The following FHIP1A variants were observed in gnomAD, a reference collection of about 807,000 sequenced individuals.
The protein encoded by FHIP1A is FHF complex subunit HOOK interacting protein 1A.
FHIP1A carries 61 observed loss-of-function variants against 88.6 expected under a neutral mutation model. The observed-to-expected ratio is 0.69, with a 90% confidence interval of 0.56 to 0.85. FHIP1A has a LOEUF of 0.85. Ranked by LOEUF, FHIP1A falls within the 40% of genes least tolerant of loss-of-function variation. FHIP1A has a pLI of 0.00. For synonymous variants in FHIP1A, 478 were observed against 496.0 expected (o/e 0.96, Z 0.48); for missense variants, 1,154 against 1,273.5 (o/e 0.91, Z 1.43).
intron 3 of FHIP1A, among the ~76,000 whole-genome samples, chr4:151,541,933 C>G (rs1211572099): frequency 6.6e-6 from 1 of 152,136 alleles, no homozygotes; most frequent in Non-Finnish European, 1.5e-5. Context: ...TTGAGACAGC[C>G]AAGTAAAAAG....
At chr4:151,594,791 T>C (rs1184680828) in intron 7 of FHIP1A, among the ~76,000 whole-genome samples, 3 of 152,124 alleles carry the variant, frequency 2.0e-5, no homozygotes, top group Non-Finnish European at 4.4e-5. Flanking sequence ...GCCAGTGTGG[T>C]CTCGATCTCC....
chr4:151,655,659 G>A (rs994134805), intron 11 of FHIP1A, among the ~76,000 whole-genome samples: 2 of 151,968 alleles, frequency 1.3e-5, no homozygotes, highest in African/African-American at 4.8e-5. Context: ...TCCACATTAC[G>A]ACACTTGACA....
At chr4:151,516,212 A>G (rs375641886) in intron 3 of FHIP1A, among the ~76,000 whole-genome samples, 7 of 152,330 alleles carry the variant, frequency 4.6e-5, no homozygotes, top group Admixed American at 3.9e-4. Flanking sequence ...AGGATTCCCT[A>G]TTTAATAAAT....
chr4:151,564,745 G>A (rs1424029778), intron 3 of FHIP1A, among the ~76,000 whole-genome samples: 2 of 152,152 alleles, frequency 1.3e-5, no homozygotes, highest in Non-Finnish European at 2.9e-5. Flanking sequence ...CTAACAGGTC[G>A]TCCTTTCTAT....
intron 1 of FHIP1A, among the ~76,000 whole-genome samples, chr4:151,422,334 A>C (rs1236650712): frequency 6.6e-6 from 1 of 151,982 alleles, no homozygotes; most frequent in Admixed American, 6.6e-5. Flanking sequence ...CATTCAATAA[A>C]TATTTGTTGA....
intron 1 of FHIP1A, among the ~76,000 whole-genome samples, chr4:151,431,011 A>G (rs1487204699): frequency 1.3e-5 from 2 of 151,808 alleles, no homozygotes; most frequent in Non-Finnish European, 2.9e-5. Context: ...AGTGCTGACT[A>G]TATTTACTTA....
At chr4:151,583,506 ATG>A (rs1324831416) in intron 5 of FHIP1A, among the ~76,000 whole-genome samples, 1 of 152,316 alleles carries the variant, frequency 6.6e-6, no homozygotes. Context: ...AATATTACAT[ATG>A]TGTTATTTTT....
chr4:151,624,838 AATC>A (rs749800377), intron 7 of FHIP1A, among the ~76,000 whole-genome samples: 59 of 152,302 alleles, frequency 3.9e-4, no homozygotes, highest in Admixed American at 1.2e-3. Flanking sequence ...AGGGAGCCGG[AATC>A]ATCAACTGCA....
At chr4:151,620,154 G>T (rs1735683301) in intron 7 of FHIP1A, among the ~76,000 whole-genome samples, 2 of 152,208 alleles carry the variant, frequency 1.3e-5, no homozygotes, top group South Asian at 4.1e-4. Context: ...CACAAGCTTT[G>T]CAGGGCCACT....
chr4:151,507,571 AT>A (rs1184848580), intron 3 of FHIP1A, among the ~76,000 whole-genome samples: 2 of 152,186 alleles, frequency 1.3e-5, no homozygotes, highest in Non-Finnish European at 2.9e-5. Flanking sequence ...TAATTTTCAT[AT>A]CATTATACAT....
chr4:151,657,814 C>T (rs1737306187), intron 13 of FHIP1A, among the ~76,000 whole-genome samples: 1 of 152,214 alleles, frequency 6.6e-6, no homozygotes, highest in South Asian at 2.1e-4. Flanking sequence ...AATTGTTCCA[C>T]CTTTCAAAGA....
intron 2 of FHIP1A, among the ~76,000 whole-genome samples, chr4:151,460,570 T>G (rs1729112838): frequency 6.6e-6 from 1 of 152,222 alleles, no homozygotes. Flanking sequence ...CACTCTGTCT[T>G]TCAGATTGTA....
At chr4:151,419,172 C>G (rs1056611181) in intron 1 of FHIP1A, among the ~76,000 whole-genome samples, 2 of 152,132 alleles carry the variant, frequency 1.3e-5, no homozygotes, top group African/African-American at 4.8e-5. Context: ...GCAGACTGCC[C>G]TCCCCAGTGT....
intron 4 of FHIP1A, among the ~76,000 whole-genome samples, chr4:151,569,323 G>A (rs1733508993): frequency 6.6e-6 from 1 of 152,154 alleles, no homozygotes; most frequent in Admixed American, 6.5e-5. Context: ...GAAGGATGAG[G>A]CGGGCACATG....
chr4:151,599,518 C>G (rs1734780344), intron 7 of FHIP1A, among the ~76,000 whole-genome samples: 1 of 152,172 alleles, frequency 6.6e-6, no homozygotes. Flanking sequence ...CAAGTGATGA[C>G]AGAGGCAGAG....
At position 151,567,123 on chromosome 4, in the gene FHIP1A, G is replaced by A. The variant is rs757185414; in HGVS notation, c.105+759G>A. The stretch of plus-strand genomic sequence containing the variant: ...TCTGATCTGCTGTGTGGATAATTAA[G>A]GGTTGAATGTTCAGAAAATTTACTA... On this transcript the variant is annotated intron_variant, in intron 4 of 13. Transcript: ENST00000435205. Among the ~76,000 whole-genome samples, 33 of 152,102 alleles carry A rather than the reference G, an allele frequency of 2.2e-4. 1 individual carries two copies. The highest frequency in any genetic ancestry group is 4.2e-4 in the South Asian group (2 of 4,816).
intron 3 of FHIP1A, among the ~76,000 whole-genome samples, chr4:151,484,185 T>C (rs947488390): frequency 2.6e-5 from 4 of 152,200 alleles, no homozygotes; most frequent in African/African-American, 9.7e-5. Flanking sequence ...AACATTCTTA[T>C]GATAAAGAAT....
chr4:151,638,045 A>G (rs940754756), intron 8 of FHIP1A, among the ~76,000 whole-genome samples: 4 of 152,286 alleles, frequency 2.6e-5, no homozygotes, highest in African/African-American at 9.6e-5. Flanking sequence ...CCTGTTTGGC[A>G]GTTTACCTTC....
At chr4:151,629,062 G>A (rs771135621) in intron 7 of FHIP1A, among the ~76,000 whole-genome samples, 1 of 152,124 alleles carries the variant, frequency 6.6e-6, no homozygotes, top group Non-Finnish European at 1.5e-5. Flanking sequence ...AAAAGTCGCA[G>A]TTACTTTATA....
Sources: allele counts gnomAD v4.1 joint callset (sites outside exome capture counted in the v4.1 genomes callset), GRCh38; gene constraint gnomAD v4.1.1; transcripts MANE v1.5; gene names NCBI Gene and HGNC (gene_info 2026-07-23, HGNC 2026-07-21).